CSMD1: variants seen among roughly 807,000 people sequenced by gnomAD.
CSMD1 encodes the protein CUB and Sushi multiple domains 1, also known as CUB and sushi domain-containing protein 1.
Under a neutral mutation model 417.5 loss-of-function variants are expected in CSMD1, and 213 were observed. The observed-to-expected ratio is 0.51, with a 90% CI of 0.46 to 0.57. The LOEUF (loss-of-function observed/expected upper bound fraction) is 0.57. Among genes scored for constraint, CSMD1 ranks in the 20% least tolerant of loss-of-function variants. The pLI is 0.00. For missense variants in CSMD1, 6,923 were observed against 4,529.7 expected (o/e 1.53, Z -15.17); for synonymous variants, 2,862 against 1,736.8 (o/e 1.65, Z -16.11).
intron 3 of CSMD1, among the ~76,000 whole-genome samples, chr8:4,257,347 G>C (rs1015529279): frequency 6.6e-6 from 1 of 151,928 alleles, no homozygotes; most frequent in Non-Finnish European, 1.5e-5. Context: ...CCATTCAAGG[G>C]TTGAATAATT....
At chr8:3,520,021 T>TAC (rs1491334698) in intron 10 of CSMD1, among the ~76,000 whole-genome samples, 1 of 108,674 alleles carries the variant, frequency 9.2e-6, no homozygotes, top group Non-Finnish European at 2.0e-5. Flanking sequence ...TGTATATACC[T>TAC]ATATATATAT....
At chr8:3,874,486 C>A (rs1805684411) in intron 5 of CSMD1, among the ~76,000 whole-genome samples, 1 of 152,314 alleles carries the variant, frequency 6.6e-6, no homozygotes, top group South Asian at 2.1e-4. Flanking sequence ...TTACAGACTT[C>A]TTTTATGACG....
intron 5 of CSMD1, among the ~76,000 whole-genome samples, chr8:3,904,134 T>C (rs1465935996): frequency 6.6e-6 from 1 of 152,202 alleles, no homozygotes; most frequent in Non-Finnish European, 1.5e-5. Flanking sequence ...CTTGTAATTA[T>C]ATTTGGATAA....
At chr8:4,057,520 A>G (rs1402177741) in intron 3 of CSMD1, among the ~76,000 whole-genome samples, 1 of 152,106 alleles carries the variant, frequency 6.6e-6, no homozygotes. Flanking sequence ...TTTGCTGTGC[A>G]GAAGCTCTTT....
chr8:4,566,901 G>A (rs1798640970), intron 2 of CSMD1, among the ~76,000 whole-genome samples: 1 of 152,110 alleles, frequency 6.6e-6, no homozygotes, highest in Non-Finnish European at 1.5e-5. Flanking sequence ...CCAGCAATGA[G>A]AAAAAGTCAA....
intron 3 of CSMD1, among the ~76,000 whole-genome samples, chr8:4,244,253 C>T (rs1233785278): frequency 6.6e-6 from 1 of 152,154 alleles, no homozygotes; most frequent in Non-Finnish European, 1.5e-5. Context: ...TTCCACAGAG[C>T]ACAGGGGCAC....
At chr8:3,572,313 G>A (rs1200571267) in intron 10 of CSMD1, among the ~76,000 whole-genome samples, 1 of 152,160 alleles carries the variant, frequency 6.6e-6, no homozygotes, top group South Asian at 2.1e-4. Context: ...GAGCTTCAGG[G>A]AGCAGTTGAG....
Position 3,414,645 on chromosome 8 carries a change from C to A in CSMD1, c.1562-5040G>T, listed in dbSNP as rs536286944. On this transcript the variant is annotated intron_variant, in intron 12 of 69. Coordinates refer to ENST00000635120, the MANE Select transcript of CSMD1 (RefSeq NM_033225.6). ...GACCAACTTTGTTCTTAGTCCAGATCCTATCCAGGACTCAGGAACCATGTG... is the reference window on the plus strand; with the variant it reads ...GACCAACTTTGTTCTTAGTCCAGATACTATCCAGGACTCAGGAACCATGTG... Among the ~76,000 whole-genome samples, 16 of 152,264 alleles carry A rather than the reference C, an allele frequency of 1.1e-4. No homozygotes were observed. In the South Asian group the frequency reaches 3.3e-3, roughly 32 times the overall value.
chr8:4,803,337 C>T (rs370090950), intron 1 of CSMD1, among the ~76,000 whole-genome samples: 7 of 152,004 alleles, frequency 4.6e-5, no homozygotes, highest in Middle Eastern at 3.2e-3. Context: ...AATAAGCCTT[C>T]GAAATATAAA....
chr8:3,163,428 C>A (rs79082085), intron 37 of CSMD1, among the ~76,000 whole-genome samples: 2 of 150,006 alleles, frequency 1.3e-5, no homozygotes, highest in Admixed American at 1.3e-4. Flanking sequence ...AAAAAAAAAA[C>A]AGCAGGAGAA....
intron 3 of CSMD1, among the ~76,000 whole-genome samples, chr8:4,234,140 C>T (rs1801907158): frequency 6.6e-6 from 1 of 152,148 alleles, no homozygotes; most frequent in Admixed American, 6.5e-5. Context: ...GAAGATTATT[C>T]TTCATAGGAC....
intron 4 of CSMD1, among the ~76,000 whole-genome samples, chr8:4,015,729 A>G (rs1167865624): frequency 6.6e-6 from 1 of 152,088 alleles, no homozygotes; most frequent in East Asian, 1.9e-4. Flanking sequence ...CTGTTGAAAA[A>G]TACTGACAAT....
At chr8:3,389,123 C>T (rs1292694759) in intron 17 of CSMD1, among the ~76,000 whole-genome samples, 2 of 152,076 alleles carry the variant, frequency 1.3e-5, no homozygotes, top group Admixed American at 6.6e-5. Context: ...TGTTTGTTTA[C>T]TTTTATTTTA....
chr8:3,820,772 T>C (rs574739859), intron 5 of CSMD1, among the ~76,000 whole-genome samples: 6 of 152,218 alleles, frequency 3.9e-5, no homozygotes, highest in African/African-American at 1.2e-4. Flanking sequence ...GTTTTAGTGA[T>C]GGGGTTTCGC....
chr8:3,601,335 C>T (rs748867481), intron 8 of CSMD1, among the ~76,000 whole-genome samples: 1 of 152,212 alleles, frequency 6.6e-6, no homozygotes, highest in Non-Finnish European at 1.5e-5. Flanking sequence ...CATATAGGAG[C>T]TGTAGAAGGC....
chr8:3,694,418 G>A (rs1184568506), intron 7 of CSMD1, among the ~76,000 whole-genome samples: 1 of 152,148 alleles, frequency 6.6e-6, no homozygotes, highest in Non-Finnish European at 1.5e-5. Context: ...GCACACCAGG[G>A]AGTAACTGTG....
At chr8:3,796,892 G>C (rs769957423) in intron 5 of CSMD1, among the ~76,000 whole-genome samples, 2 of 151,474 alleles carry the variant, frequency 1.3e-5, no homozygotes, top group African/African-American at 2.4e-5. Flanking sequence ...AATTCCTCAC[G>C]GTTCTGCCTA....
At chr8:4,836,557 T>A (rs927530023) in intron 1 of CSMD1, among the ~76,000 whole-genome samples, 1 of 152,234 alleles carries the variant, frequency 6.6e-6, no homozygotes, top group Non-Finnish European at 1.5e-5. Context: ...ACAGAGAGGT[T>A]TGAACTTGAA....
chr8:4,206,917 G>C (rs73658479), intron 3 of CSMD1, among the ~76,000 whole-genome samples: 2,867 of 152,006 alleles, frequency 0.019, 114 homozygotes, highest in African/African-American at 0.065. Context: ...ATTTAGAGTT[G>C]GGCAAATTGC....
Sources: allele counts gnomAD v4.1 joint callset (sites outside exome capture counted in the v4.1 genomes callset), GRCh38; gene constraint gnomAD v4.1.1; transcripts MANE v1.5; gene names NCBI Gene and HGNC (gene_info 2026-07-23, HGNC 2026-07-21).